ZNF430: variants seen among roughly 807,000 people sequenced by gnomAD.
ZNF430 encodes zinc finger protein 430.
In ZNF430, 35 loss-of-function variants were observed where a neutral mutation model predicts 56.7. The observed-to-expected ratio is 0.62, with a 90% CI of 0.47 to 0.82. ZNF430 has a LOEUF of 0.82. Ranked by LOEUF, ZNF430 falls within the 40% of genes least tolerant of loss-of-function variation. The pLI, the probability that ZNF430 is intolerant of heterozygous loss-of-function variation, is 0.00. For synonymous variants in ZNF430, 212 were observed against 224.3 expected (o/e 0.94, Z 0.49); for missense variants, 574 against 661.0 (o/e 0.87, Z 1.44).
intron 4 of ZNF430, among the ~76,000 whole-genome samples, chr19:21,051,873 T>C (rs1410175235): frequency 2.0e-5 from 3 of 152,220 alleles, no homozygotes; most frequent in Non-Finnish European, 4.4e-5. Context: ...TCAGGAACTA[T>C]AATGACTTCA....
chr19:21,039,579 G>A (rs951771595), intron 4 of ZNF430, among the ~76,000 whole-genome samples: 11 of 151,076 alleles, frequency 7.3e-5, no homozygotes, highest in Non-Finnish European at 1.3e-4. Flanking sequence ...CAATACTCCC[G>A]CCTCAGCCTC....
rs932043846 is a variant in ZNF430, at chr19:21,057,747, C to T, written c.1439C>T (p.Ser480Phe). The T allele has an allele frequency of 1.2e-6, 2 of 1,613,334 alleles. No individual in the cohort carries two copies. Among genetic ancestry groups the T allele is most frequent in the African/African-American group, 2.7e-5 (2 of 74,766 alleles). Residue 480 changes from serine (S) to phenylalanine (F), a missense_variant, in exon 5 of 5, where the codon TCT becomes TTT. By Grantham distance (155) the Ser-to-Phe change is radical (BLOSUM62 -2). This residue lies in a region of ZNF430 where 213 missense variants were observed against 221.0 expected (regional missense o/e 0.96). Transcript: ENST00000261560. ...PKLTAHKVIHSGEKPYKCEEC... is the reference protein window; with the variant it reads ...PKLTAHKVIHFGEKPYKCEEC... Reference sequence around the variant, plus strand: ...CTTACTGCACATAAGGTAATTCATTCTGGAGAGAAACCCTACAAATGTGAA... The same window carrying T: ...CTTACTGCACATAAGGTAATTCATTTTGGAGAGAAACCCTACAAATGTGAA...
chr19:21,021,473 T>A (rs1429177226), intron 1 of ZNF430, among the ~76,000 whole-genome samples: 2 of 151,776 alleles, frequency 1.3e-5, no homozygotes, highest in Non-Finnish European at 2.9e-5. Context: ...CACTACAGCC[T>A]GTGTAACAGA....
At chr19:21,040,318 T>A (rs1489101752) in intron 4 of ZNF430, among the ~76,000 whole-genome samples, 1 of 152,232 alleles carries the variant, frequency 6.6e-6, no homozygotes, top group African/African-American at 2.4e-5. Flanking sequence ...TAATACACAA[T>A]GTTGGATGTG....
chr19:21,030,234 T>G (rs1178033995), intron 2 of ZNF430, among the ~76,000 whole-genome samples: 1 of 152,172 alleles, frequency 6.6e-6, no homozygotes, highest in African/African-American at 2.4e-5. Flanking sequence ...ACATTAAACT[T>G]TTTCTATGTT....
In ZNF430 at chr19:21,024,649, G is replaced by A. The variant is rs915678482; in HGVS notation, c.96+1768G>A. On this transcript the variant is annotated intron_variant, in intron 2 of 4. Coordinates refer to ENST00000261560, the MANE Select transcript of ZNF430 (RefSeq NM_025189.4). ...AAAAAAATCAGCCGGGCGTGGTCAC[G>A]GGCGCCTGTAGTCCCAGCTACTCGG... Among the ~76,000 whole-genome samples the A allele has an allele frequency of 1.2e-4, 19 of 152,036 alleles. No homozygotes were observed. The East Asian group carries it at 2.3e-3, about 19-fold the overall frequency.
Position 21,056,205 on chromosome 19 carries a change from C to T in ZNF430, c.323-426C>T, listed in dbSNP as rs141379187. ...AAAAAATTAGGGCCTTTGGGCCAGG[C>T]GCGGTGGCTGGTGTGCCAAAGTGCG... On this transcript the variant is annotated intron_variant, in intron 4 of 4. Coordinates refer to ENST00000261560, the MANE Select transcript of ZNF430 (RefSeq NM_025189.4). 1.7e-3 allele frequency among the ~76,000 whole-genome samples: 257 copies of T among 151,942 alleles called. 1 individual carries two copies. The highest frequency in any genetic ancestry group is 5.8e-3 in the African/African-American group (241 of 41,440).
At chr19:21,046,244 G>C (rs971269572) in intron 4 of ZNF430, among the ~76,000 whole-genome samples, 4 of 151,290 alleles carry the variant, frequency 2.6e-5, no homozygotes, top group Non-Finnish European at 5.9e-5. Context: ...GCTTGAACCT[G>C]GGAGGCAGAT....
chr19:21,025,696 C>G (rs1242231099), intron 2 of ZNF430, among the ~76,000 whole-genome samples: 1 of 151,990 alleles, frequency 6.6e-6, no homozygotes, highest in Non-Finnish European at 1.5e-5. Context: ...AAGTATTTCT[C>G]CTGCCTCAGC....
chr19:21,039,447 C>CTATT (rs71174789), intron 4 of ZNF430, among the ~76,000 whole-genome samples: 3,636 of 129,034 alleles, frequency 0.028, 153 homozygotes, highest in African/African-American at 0.087. Context: ...TTTACTTTTG[C>CTATT]TATTTATTTA....
intron 2 of ZNF430, among the ~76,000 whole-genome samples, chr19:21,024,637 G>A (rs1373013411): frequency 6.6e-5 from 10 of 151,972 alleles, no homozygotes; most frequent in Admixed American, 6.6e-5. Context: ...AAAATCAGCC[G>A]GGCGTGGTCA....
intron 4 of ZNF430, among the ~76,000 whole-genome samples, chr19:21,051,339 A>G (rs916284001): frequency 2.0e-5 from 3 of 152,166 alleles, no homozygotes; most frequent in African/African-American, 7.2e-5. Context: ...CAGTATTTTT[A>G]TATTTTAAAT....
intron 4 of ZNF430, chr19:21,036,241 A>G: frequency 5.1e-6 from 1 of 195,560 alleles, no homozygotes; most frequent in Non-Finnish European, 9.3e-6. Flanking sequence ...TATAAATATG[A>G]CCCCAATATT....
intron 4 of ZNF430, among the ~76,000 whole-genome samples, chr19:21,039,447 CTATTTATT>C (rs71174789): frequency 1.5e-5 from 2 of 129,042 alleles, no homozygotes; most frequent in African/African-American, 5.8e-5. Context: ...TTTACTTTTG[CTATTTATT>C]TATTTATTTA....
At chr19:21,045,788 C>G (rs1968177953) in intron 4 of ZNF430, among the ~76,000 whole-genome samples, 4 of 152,006 alleles carry the variant, frequency 2.6e-5, no homozygotes, top group Non-Finnish European at 5.9e-5. Context: ...TATGTAATGC[C>G]CTTCTTTTTC....
At chr19:21,030,533 G>A (rs868173283) in intron 2 of ZNF430, among the ~76,000 whole-genome samples, 6 of 151,546 alleles carry the variant, frequency 4.0e-5, no homozygotes, top group South Asian at 2.1e-4. Flanking sequence ...AGACATTGCC[G>A]CCTTCTGTTT....
intron 4 of ZNF430, chr19:21,053,671 G>A (rs371227585): frequency 6.5e-4 from 99 of 152,316 alleles, no homozygotes; most frequent in African/African-American, 2.4e-3. Flanking sequence ...TGGGATTACA[G>A]GCGTGAGCCA....
intron 3 of ZNF430, 106 bp downstream of exon 3, chr19:21,033,688 G>A: frequency 7.8e-7 from 1 of 1,275,578 alleles, no homozygotes; most frequent in Non-Finnish European, 1.1e-6. Flanking sequence ...ATGAGTTTCT[G>A]ATACTTGTTC....
intron 1 of ZNF430, 25 bp from the exon 2 acceptor site, chr19:21,022,764 G>C: frequency 6.7e-7 from 1 of 1,499,774 alleles, no homozygotes. Flanking sequence ...GTGGATATCA[G>C]CTTCTGGGTT....
Sources: allele counts gnomAD v4.1 joint callset (sites outside exome capture counted in the v4.1 genomes callset), GRCh38; gene constraint gnomAD v4.1.1; regional missense constraint gnomAD v4.1.1; transcripts MANE v1.5; gene names NCBI Gene and HGNC (gene_info 2026-07-23, HGNC 2026-07-21).